The following ABCA4 variants were observed in gnomAD, a reference collection of about 807,000 sequenced individuals.
ABCA4 encodes the protein retinal-specific phospholipid-transporting ATPase ABCA4.
In ABCA4, 196 loss-of-function variants were observed where a neutral mutation model predicts 263.7. The ratio of observed to expected loss-of-function variants is 0.74; its 90% CI spans 0.66 to 0.84. The LOEUF is 0.84. ABCA4 is among the 40% of genes least tolerant of loss of function. The pLI is 0.00. For synonymous variants in ABCA4, 1,133 were observed against 1,094.2 expected (o/e 1.04, Z -0.70); for missense variants, 2,792 against 2,855.1 (o/e 0.98, Z 0.50).
intron 1 of ABCA4, among the ~76,000 whole-genome samples, chr1:94,119,836 C>T (rs114639377): frequency 0.025 from 3,850 of 152,202 alleles, 173 homozygotes; most frequent in African/African-American, 0.088. Flanking sequence ...TTCCAGTTGG[C>T]CCCATCACCT....
intron 6 of ABCA4, among the ~76,000 whole-genome samples, chr1:94,090,808 T>C (rs908854796): frequency 6.6e-6 from 1 of 152,192 alleles, no homozygotes; most frequent in African/African-American, 2.4e-5. Flanking sequence ...AATTAATGAG[T>C]AAATAAACTA....
intron 7 of ABCA4, 52 bp downstream of exon 7, chr1:94,083,300 A>G: frequency 7.2e-7 from 1 of 1,381,292 alleles, no homozygotes; most frequent in Non-Finnish European, 1.0e-6. Flanking sequence ...TAAGTGGGGT[A>G]AATGGTGGAA....
At chr1:94,108,862 C>G in intron 3 of ABCA4, 146 bp from the exon 4 acceptor site, 1 of 1,053,248 alleles carries the variant, frequency 9.5e-7, no homozygotes, top group Non-Finnish European at 1.4e-6. Flanking sequence ...AAGCTCTGCC[C>G]CCCGGGTTCA....
At chr1:94,022,507 G>T (rs1459364497) in intron 32 of ABCA4, among the ~76,000 whole-genome samples, 1 of 152,082 alleles carries the variant, frequency 6.6e-6, no homozygotes, top group African/African-American at 2.4e-5. Flanking sequence ...CCTCACACCT[G>T]TTCAGGGAGG....
At position 94,040,117 on chromosome 1, in the gene ABCA4, C is replaced by T. The variant is rs760620913; in HGVS notation, c.3533G>A (p.Ser1178Asn). ...GGTGGAGAAACCCTTAGACGAGCAG[C>T]TGCAGGTCCCCTGCAACAGATGGAT... is the stretch of plus-strand genomic sequence containing the variant. ...SQRKGSEGTC[S>N]CSSKGFSTTC... The change falls in exon 24 of 50, where the codon AGC becomes AAC. Residue 1178 changes from serine (S) to asparagine (N), a missense_variant. Coordinates refer to ENST00000370225, the MANE Select transcript of ABCA4 (RefSeq NM_000350.3). The T allele has an allele frequency of 7.5e-6, 12 of 1,607,766 alleles. No individual in the cohort carries two copies. The South Asian group carries it at 1.3e-4, about 18-fold the overall frequency.
chr1:94,079,499 C>T, intron 8 of ABCA4, 38 bp from the exon 9 acceptor site: 1 of 1,613,918 alleles, frequency 6.2e-7, no homozygotes, highest in South Asian at 1.1e-5. Flanking sequence ...CAGAAACTCC[C>T]CATTGCTTGT....
Position 94,043,328 on chromosome 1 carries a change from C to T in ABCA4, c.3190+8G>A. On this transcript the variant is annotated splice_region_variant and intron_variant, in intron 21 of 49. Transcript: ENST00000370225. ...TCTGTGGCCCTGTCTCCATCCAGCT[C>T]TGAGCACCTGATAGGTCCTGAGCCT... The T allele has an allele frequency of 6.2e-7, 1 of 1,614,044 alleles. No individual in the cohort carries two copies. Among genetic ancestry groups the T allele is most frequent in the South Asian group, 1.1e-5 (1 of 91,084 alleles).
intron 12 of ABCA4, 86 bp from the exon 13 acceptor site, chr1:94,062,839 T>C: frequency 6.4e-6 from 9 of 1,417,278 alleles, no homozygotes; most frequent in Non-Finnish European, 8.8e-6. Flanking sequence ...TCGGAACTCA[T>C]TCTCTTAAAA....
At chr1:94,055,938 C>T (rs1462055862) in intron 15 of ABCA4, among the ~76,000 whole-genome samples, 1 of 152,184 alleles carries the variant, frequency 6.6e-6, no homozygotes, top group Non-Finnish European at 1.5e-5. Context: ...GAACTGCACC[C>T]TCCAGGGCCA....
rs142854909 is a variant in ABCA4 at position 94,036,653 on chromosome 1, G to T, written c.3862+87C>A. 1,523 of 1,416,650 alleles carry T rather than the reference G, an allele frequency of 1.1e-3. 19 individuals are homozygous for T. In the African/African-American group the frequency reaches 0.019, roughly 18 times the overall value. 87.8% of individuals were successfully genotyped at this position (1,416,650 alleles called of 1,614,324 possible). ...CAAATTGCTGGGATTACAGGCATGA[G>T]CCACTGTGCCCAGCCCCTTAGACTT... On this transcript the variant is annotated intron_variant, in intron 26 of 49. Coordinates refer to ENST00000370225, the MANE Select transcript of ABCA4 (RefSeq NM_000350.3).
At chr1:94,014,491 A>G in intron 38 of ABCA4, 52 bp downstream of exon 38, 8 of 1,602,916 alleles carry the variant, frequency 5.0e-6, no homozygotes, top group South Asian at 1.1e-5. Flanking sequence ...CGACCAACAC[A>G]TACTCTACTA....
chr1:93,998,226 C>T (rs1571240287), intron 47 of ABCA4, 116 bp from the exon 48 acceptor site: 8 of 1,419,694 alleles, frequency 5.6e-6, no homozygotes, highest in Admixed American at 5.4e-5. Flanking sequence ...CTTGGTGGCT[C>T]ACACCTGAAA....
chr1:94,060,231 T>C (rs892530779), intron 14 of ABCA4, among the ~76,000 whole-genome samples: 3 of 152,222 alleles, frequency 2.0e-5, no homozygotes, highest in African/African-American at 7.2e-5. Context: ...AATTACACTA[T>C]CACCCTGTGC....
intron 38 of ABCA4, among the ~76,000 whole-genome samples, chr1:94,012,934 G>A (rs953521958): frequency 1.3e-5 from 2 of 152,240 alleles, no homozygotes; most frequent in African/African-American, 4.8e-5. Flanking sequence ...GCTGGGAGCT[G>A]GGGAGCTTCC....
In ABCA4 at chr1:94,021,964, C is replaced by G; in HGVS notation, c.4668-13G>C. 10 of 1,612,424 alleles carry G rather than the reference C, an allele frequency of 6.2e-6. No homozygotes were observed. The highest frequency in any genetic ancestry group is 8.5e-6 in the Non-Finnish European group (10 of 1,178,418). ...AATTCCTCCATACCTGACAAGGAAA[C>G]AGGAAATCCTCAGACCAGGGCCACG... On this transcript the variant is annotated splice_polypyrimidine_tract_variant and intron_variant, in intron 32 of 49. Coordinates refer to ENST00000370225, the MANE Select transcript of ABCA4 (RefSeq NM_000350.3).
At position 94,029,504 on chromosome 1, in the gene ABCA4, C is replaced by T. The variant is rs745454563; in HGVS notation, c.4480G>A (p.Glu1494Lys). The T allele has an allele frequency of 6.3e-7, 1 of 1,599,782 alleles. No individual in the cohort carries two copies. Among genetic ancestry groups the T allele is most frequent in the African/African-American group, 1.3e-5 (1 of 74,950 alleles). ...PSPSCRCSTR[E>K]KLTMLPECPE... is the part of the protein sequence containing the mutation. ...CACTCTGGCAGCATGGTGAGCTTCT[C>T]CCTGGTGCTGCACCTGCAGGATGGT... Residue 1494 changes from glutamate to lysine, a missense_variant, in exon 30 of 50, where the codon GAG (glutamate) becomes AAG (lysine). Transcript: ENST00000370225.
chr1:94,086,217 G>T (rs1661820992), intron 6 of ABCA4, among the ~76,000 whole-genome samples: 1 of 152,158 alleles, frequency 6.6e-6, no homozygotes, highest in Non-Finnish European at 1.5e-5. Context: ...CCATGAAATG[G>T]TATGTTCATT....
chr1:94,001,161 C>T, intron 45 of ABCA4, 56 bp from the exon 46 acceptor site: 1 of 1,418,898 alleles, frequency 7.0e-7, no homozygotes, highest in South Asian at 1.1e-5. Flanking sequence ...CTTCTGATTA[C>T]TGCTTCCCCC....
chr1:94,063,753 C>A (rs949014714), intron 11 of ABCA4, among the ~76,000 whole-genome samples: 4 of 152,194 alleles, frequency 2.6e-5, no homozygotes, highest in African/African-American at 7.2e-5. Flanking sequence ...TAGCCTTGAA[C>A]CTTTCTGGCT....
Sources: allele counts gnomAD v4.1 joint callset (sites outside exome capture counted in the v4.1 genomes callset), GRCh38; gene constraint gnomAD v4.1.1; transcripts MANE v1.5; gene names NCBI Gene and HGNC (gene_info 2026-07-23, HGNC 2026-07-21).